The following ACTL8 variants were observed in gnomAD, a reference collection of about 807,000 sequenced individuals.
The protein encoded by ACTL8 is actin like 8, also known as actin-like protein 8.
In ACTL8, 3 loss-of-function variants were observed where a neutral mutation model predicts 9.3. The ratio of observed to expected loss-of-function variants is 0.32; its 90% CI spans 0.15 to 0.83. ACTL8 has a LOEUF of 0.83. ACTL8 is among the 40% of genes least tolerant of loss of function. ACTL8 has a pLI of 0.57. For missense variants in ACTL8, 381 were observed against 492.2 expected, an observed-to-expected ratio of 0.77 and a Z score of 2.14; for synonymous variants, 224 against 205.9, an observed-to-expected ratio of 1.09 and a Z score of -0.75.
At position 17,772,234 on chromosome 1, in the gene ACTL8, C is replaced by T. The variant is rs151102135; in HGVS notation, c.-25+16730C>T. ...TGTATCGATTGCATTGGAACAAATA[C>T]GCATTTTAAAAATTAGTGTTATGGC... On this transcript the variant is annotated intron_variant, in intron 1 of 2. Transcript: ENST00000375406. 4.5e-4 allele frequency among the ~76,000 whole-genome samples: 69 copies of T among 152,292 alleles called. No individual in the cohort carries two copies. The South Asian group carries it at 4.8e-3, about 11-fold the overall frequency.
intron 1 of ACTL8, among the ~76,000 whole-genome samples, chr1:17,813,023 T>C (rs999132894): frequency 3.3e-5 from 5 of 152,228 alleles, no homozygotes; most frequent in African/African-American, 1.2e-4. Context: ...AATTCACTTA[T>C]TAGTTCTAGG....
chr1:17,820,263 C>T (rs139430182), intron 1 of ACTL8, among the ~76,000 whole-genome samples: 7 of 152,162 alleles, frequency 4.6e-5, no homozygotes, highest in East Asian at 1.9e-4. Context: ...TACAGTTTGT[C>T]GTCTTTGGGG....
At chr1:17,773,047 G>A (rs2066094450) in intron 1 of ACTL8, among the ~76,000 whole-genome samples, 1 of 152,186 alleles carries the variant, frequency 6.6e-6, no homozygotes, top group African/African-American at 2.4e-5. Flanking sequence ...GAGTCAATTG[G>A]TTATTGTCCT....
At chr1:17,789,246 C>T in intron 1 of ACTL8, among the ~76,000 whole-genome samples, 1 of 152,008 alleles carries the variant, frequency 6.6e-6, no homozygotes, top group East Asian at 1.9e-4. Context: ...CGAGGGGATC[C>T]CCTGACATAG....
chr1:17,806,635 A>G (rs2066361709), intron 1 of ACTL8, among the ~76,000 whole-genome samples: 1 of 152,248 alleles, frequency 6.6e-6, no homozygotes, highest in Non-Finnish European at 1.5e-5. Flanking sequence ...TCCTCAGGAT[A>G]CAATGTCCGG....
At chr1:17,797,921 G>A (rs4920641) in intron 1 of ACTL8, among the ~76,000 whole-genome samples, 32,652 of 152,128 alleles carry the variant, frequency 0.21, 4,332 homozygotes, top group Admixed American at 0.38. Flanking sequence ...ATCTGACTTG[G>A]CTGTAGGAGG....
In ACTL8 at chr1:17,819,959, C is replaced by T. The variant is rs368086912; in HGVS notation, c.-24-3026C>T. Among the ~76,000 whole-genome samples the T allele has an allele frequency of 3.8e-4, 58 of 151,838 alleles. No homozygotes were observed. The South Asian group carries it at 7.5e-3, about 20-fold the overall frequency. ...AGGAGATTGAGGCTGAAGTGAGACG[C>T]GATCGTGCCACTGCCCTCCAGCCTG... On this transcript the variant is annotated intron_variant, in intron 1 of 2. Coordinates refer to ENST00000375406, the MANE Select transcript of ACTL8 (RefSeq NM_030812.3).
chr1:17,772,081 G>A (rs1039563586), intron 1 of ACTL8, among the ~76,000 whole-genome samples: 3 of 152,170 alleles, frequency 2.0e-5, no homozygotes, highest in Non-Finnish European at 4.4e-5. Context: ...TGCAGTGCAT[G>A]CGCTTCGTGT....
intron 1 of ACTL8, among the ~76,000 whole-genome samples, chr1:17,788,214 T>C (rs2066212158): frequency 6.6e-6 from 1 of 152,270 alleles, no homozygotes; most frequent in African/African-American, 2.4e-5. Context: ...TGATATCCTT[T>C]GCTATGTAGA....
chr1:17,770,628 G>T, intron 1 of ACTL8, among the ~76,000 whole-genome samples: 1 of 152,136 alleles, frequency 6.6e-6, no homozygotes, highest in East Asian at 1.9e-4. Flanking sequence ...GAGGATCTAG[G>T]GGTCATACTG....
chr1:17,763,051 G>T (rs1430400149), intron 1 of ACTL8, among the ~76,000 whole-genome samples: 2 of 152,144 alleles, frequency 1.3e-5, no homozygotes, highest in Non-Finnish European at 2.9e-5. Context: ...ATGTCTCTTG[G>T]ACTGAGACCT....
intron 1 of ACTL8, among the ~76,000 whole-genome samples, chr1:17,808,609 AAAT>A (rs1426749738): frequency 6.6e-6 from 1 of 152,252 alleles, no homozygotes; most frequent in African/African-American, 2.4e-5. Context: ...TATGCGGAGC[AAAT>A]AAGAGAGATA....
chr1:17,790,000 T>A (rs2066226407), intron 1 of ACTL8, among the ~76,000 whole-genome samples: 1 of 152,210 alleles, frequency 6.6e-6, no homozygotes, highest in African/African-American at 2.4e-5. Context: ...AAGTGTGGAA[T>A]GGCAAGGGGT....
At chr1:17,820,469 G>A (rs746064071) in intron 1 of ACTL8, among the ~76,000 whole-genome samples, 5 of 152,054 alleles carry the variant, frequency 3.3e-5, no homozygotes, top group South Asian at 2.1e-4. Flanking sequence ...GCTACTATAC[G>A]TATGTGCATA....
chr1:17,810,719 A>G (rs957463972), intron 1 of ACTL8, among the ~76,000 whole-genome samples: 1 of 152,220 alleles, frequency 6.6e-6, no homozygotes, highest in Admixed American at 6.5e-5. Context: ...TTTTGTTACT[A>G]TAGTTTTGCC....
intron 1 of ACTL8, among the ~76,000 whole-genome samples, chr1:17,786,252 C>T (rs1057433159): frequency 6.6e-6 from 1 of 152,210 alleles, no homozygotes; most frequent in East Asian, 1.9e-4. Context: ...GATTTATCAC[C>T]TCTGCCTTAC....
chr1:17,789,330 C>G (rs1425656994), intron 1 of ACTL8, among the ~76,000 whole-genome samples: 1 of 152,178 alleles, frequency 6.6e-6, no homozygotes, highest in Non-Finnish European at 1.5e-5. Flanking sequence ...TTCTCCCATG[C>G]TCCCAGAAGG....
At chr1:17,784,539 AGTT>A (rs2066182318) in intron 1 of ACTL8, among the ~76,000 whole-genome samples, 1 of 152,186 alleles carries the variant, frequency 6.6e-6, no homozygotes, top group African/African-American at 2.4e-5. Context: ...CTTTCCCAGA[AGTT>A]GTTATTGTTC....
At chr1:17,773,721 A>G (rs182805132) in intron 1 of ACTL8, among the ~76,000 whole-genome samples, 2 of 152,340 alleles carry the variant, frequency 1.3e-5, no homozygotes, top group Non-Finnish European at 2.9e-5. Flanking sequence ...TTCTGTGCCC[A>G]AGCAAGGATA....
Sources: allele counts gnomAD v4.1 joint callset (sites outside exome capture counted in the v4.1 genomes callset), GRCh38; gene constraint gnomAD v4.1.1; transcripts MANE v1.5; gene names NCBI Gene and HGNC (gene_info 2026-07-23, HGNC 2026-07-21).